The following SLC9C1 variants were observed in gnomAD, a reference collection of about 807,000 sequenced individuals.
The protein encoded by SLC9C1 is solute carrier family 9 member C1.
Under a neutral mutation model 140.9 loss-of-function variants are expected in SLC9C1, and 97 were observed. The observed-to-expected ratio is 0.69, with a 90% CI of 0.58 to 0.82. SLC9C1 has a LOEUF of 0.82. SLC9C1 is among the 40% of genes least tolerant of loss of function. The pLI is 0.00. For synonymous variants in SLC9C1, 440 were observed against 442.6 expected (o/e 0.99, Z 0.07); for missense variants, 1,340 against 1,389.3 (o/e 0.96, Z 0.56).
intron 13 of SLC9C1, among the ~76,000 whole-genome samples, chr3:112,223,614 A>T (rs1007779999): frequency 1.3e-4 from 20 of 152,180 alleles, no homozygotes; most frequent in African/African-American, 4.6e-4. Flanking sequence ...AAACAAAGAA[A>T]GGAAAGCAGG....
intron 28 of SLC9C1, among the ~76,000 whole-genome samples, chr3:112,146,589 T>A (rs952695979): frequency 2.0e-5 from 3 of 152,196 alleles, no homozygotes; most frequent in African/African-American, 7.2e-5. Flanking sequence ...CAGAAGTCAA[T>A]TGTTTAATTT....
intron 2 of SLC9C1, among the ~76,000 whole-genome samples, chr3:112,284,030 A>C (rs894296513): frequency 1.2e-4 from 18 of 152,224 alleles, no homozygotes; most frequent in African/African-American, 4.1e-4. Context: ...AAAAATGGAT[A>C]ATCAAAAGAG....
At chr3:112,260,345 C>T (rs1291235378) in intron 10 of SLC9C1, among the ~76,000 whole-genome samples, 2 of 151,840 alleles carry the variant, frequency 1.3e-5, no homozygotes. Flanking sequence ...TCTTCATTTC[C>T]TATGTCCATT....
At chr3:112,171,481 TAA>T (rs1260028435) in intron 23 of SLC9C1, among the ~76,000 whole-genome samples, 2 of 152,204 alleles carry the variant, frequency 1.3e-5, no homozygotes, top group African/African-American at 2.4e-5. Context: ...TTTGAATTGT[TAA>T]GAGTTATTTA....
At chr3:112,267,733 T>C (rs2079964265) in intron 7 of SLC9C1, among the ~76,000 whole-genome samples, 1 of 152,106 alleles carries the variant, frequency 6.6e-6, no homozygotes, top group Non-Finnish European at 1.5e-5. Context: ...GATGGAAAAT[T>C]ACAAGTTGTC....
chr3:112,278,677 T>C, intron 4 of SLC9C1, 52 bp downstream of exon 4: 1 of 1,532,864 alleles, frequency 6.5e-7, no homozygotes, highest in East Asian at 2.3e-5. Flanking sequence ...AATTTGAACA[T>C]AGATAATATG....
At chr3:112,180,464 A>G (rs2077417923) in intron 22 of SLC9C1, 100 bp downstream of exon 22, 1 of 851,228 alleles carries the variant, frequency 1.2e-6, no homozygotes, top group Non-Finnish European at 1.8e-6. Context: ...TGGAGGCTAC[A>G]GTGAGCCAAG....
chr3:112,185,747 C>T lies in SLC9C1; in HGVS notation c.2524-3489G>A, dbSNP rs190433432. The stretch of plus-strand genomic sequence containing the variant: ...CGGCCTTGCTGAGCCCCCGGCCTGC[C>T]GGGCTGTCCTTCAGGGAGGGCGTCC... On this transcript the variant is annotated intron_variant, in intron 20 of 28. Coordinates refer to ENST00000305815, the MANE Select transcript of SLC9C1 (RefSeq NM_183061.3). 957 of 1,540,504 alleles carry T rather than the reference C, an allele frequency of 6.2e-4. 9 individuals carry two copies. In the East Asian group the frequency reaches 0.019, roughly 31 times the overall value.
intron 5 of SLC9C1, 43 bp from the exon 6 acceptor site, chr3:112,275,068 A>G (rs4682100): frequency 0.34 from 511,506 of 1,512,070 alleles, 88,708 homozygotes; most frequent in East Asian, 0.43. Context: ...AAGTGAGAAA[A>G]ACATTAAAAA....
chr3:112,167,718 T>C (rs2077165554), intron 25 of SLC9C1, among the ~76,000 whole-genome samples: 1 of 152,108 alleles, frequency 6.6e-6, no homozygotes, highest in Non-Finnish European at 1.5e-5. Flanking sequence ...TATAGAAATA[T>C]TTCAAAATAT....
intron 13 of SLC9C1, among the ~76,000 whole-genome samples, chr3:112,226,129 G>C (rs2078676055): frequency 6.6e-6 from 1 of 152,096 alleles, no homozygotes; most frequent in Non-Finnish European, 1.5e-5. Context: ...CCAGGATAGA[G>C]CATATGGTAG....
At chr3:112,278,991 C>T (rs577252618) in intron 3 of SLC9C1, 134 bp from the exon 4 acceptor site, 12 of 798,280 alleles carry the variant, frequency 1.5e-5, no homozygotes, top group Middle Eastern at 3.9e-4. Flanking sequence ...AGTAAGTGAT[C>T]GTATCAAATT....
At chr3:112,195,629 T>C (rs1052787926) in intron 20 of SLC9C1, among the ~76,000 whole-genome samples, 13 of 152,020 alleles carry the variant, frequency 8.6e-5, no homozygotes, top group African/African-American at 3.1e-4. Flanking sequence ...TTTTAGCTAC[T>C]TTTTTTATGT....
At chr3:112,177,005 C>CT (rs57879370) in intron 23 of SLC9C1, among the ~76,000 whole-genome samples, 4,573 of 104,690 alleles carry the variant, frequency 0.044, 191 homozygotes, top group East Asian at 0.17. Flanking sequence ...CTCTCTCTCT[C>CT]TTTTTTTTTT....
intron 12 of SLC9C1, among the ~76,000 whole-genome samples, chr3:112,236,046 A>G (rs1443616130): frequency 4.6e-5 from 7 of 152,190 alleles, no homozygotes; most frequent in African/African-American, 1.4e-4. Context: ...AAGGAATGGT[A>G]CCAGCTCCTC....
At chr3:112,258,623 C>T (rs2079680654) in intron 10 of SLC9C1, among the ~76,000 whole-genome samples, 1 of 151,884 alleles carries the variant, frequency 6.6e-6, no homozygotes, top group South Asian at 2.1e-4. Context: ...TTTAGTTTTA[C>T]AGGTATTTGT....
At chr3:112,200,360 A>G (rs2077875735) in intron 19 of SLC9C1, among the ~76,000 whole-genome samples, 1 of 152,064 alleles carries the variant, frequency 6.6e-6, no homozygotes. Context: ...TAGAGGAAAA[A>G]CGTAACTTCT....
chr3:112,168,839 G>T, intron 25 of SLC9C1, 38 bp downstream of exon 25: 1 of 1,488,422 alleles, frequency 6.7e-7, no homozygotes, highest in Non-Finnish European at 9.1e-7. Context: ...TGGACATATG[G>T]CATATTGATC....
intron 14 of SLC9C1, 28 bp from the exon 15 acceptor site, chr3:112,217,589 T>C (rs1328664679): frequency 6.5e-7 from 1 of 1,543,570 alleles, no homozygotes; most frequent in Non-Finnish European, 8.7e-7. Flanking sequence ...TCTTTAAACA[T>C]GCTTTAAACA....
Sources: gnomAD v4.1 joint callset for allele counts (sites outside exome capture counted in the v4.1 genomes callset) on GRCh38, gnomAD v4.1.1 for gene constraint, MANE v1.5 for transcripts, NCBI Gene and HGNC (gene_info 2026-07-23, HGNC 2026-07-21) for gene names.